The following GALNT13 variants were observed in gnomAD, a reference collection of about 807,000 sequenced individuals.
The protein encoded by GALNT13 is polypeptide N-acetylgalactosaminyltransferase 13.
A neutral mutation model predicts 64.2 loss-of-function variants in GALNT13; 28 were observed. The ratio of observed to expected loss-of-function variants is 0.44; its 90% CI spans 0.32 to 0.60. The LOEUF is 0.60. Among genes scored for constraint, GALNT13 ranks in the 20% least tolerant of loss-of-function variants. The pLI is 0.05. For missense variants in GALNT13, 577 were observed against 669.8 expected (o/e 0.86, Z 1.53); for synonymous variants, 214 against 224.6 (o/e 0.95, Z 0.42).
chr2:153,849,146 T>C, the GALNT13 span, among the ~76,000 whole-genome samples: 16 of 152,104 alleles, frequency 1.1e-4, no homozygotes, highest in African/African-American at 3.9e-4. Flanking sequence ...TACTCAACAA[T>C]GTAACTTACA....
chr2:153,715,621 T>C, the GALNT13 span, among the ~76,000 whole-genome samples: 2 of 152,224 alleles, frequency 1.3e-5, no homozygotes, highest in African/African-American at 4.8e-5. Context: ...GTACTACTTG[T>C]CAACTTTTCA....
At chr2:153,174,439 T>C in the GALNT13 span, among the ~76,000 whole-genome samples, 1 of 151,900 alleles carries the variant, frequency 6.6e-6, no homozygotes, top group African/African-American at 2.4e-5. Context: ...AGCAATAACA[T>C]TGGTGATACC....
At chr2:153,400,603 T>G in the GALNT13 span, among the ~76,000 whole-genome samples, 16 of 152,178 alleles carry the variant, frequency 1.1e-4, no homozygotes, top group South Asian at 4.2e-4. Flanking sequence ...CAATTTCAGC[T>G]CCTGTTATTG....
chr2:153,173,367 C>T, the GALNT13 span: 1 of 152,124 alleles, frequency 6.6e-6, no homozygotes, highest in Non-Finnish European at 1.5e-5. Context: ...AACTATTTGT[C>T]TGGGTCTACC....
At position 154,324,684 on chromosome 2, in the gene GALNT13, C is replaced by T. The variant is rs547454137; in HGVS notation, c.1156+23095C>T. ...AGAGAAAATAGGGAGAACCAGTGAG[C>T]CAGTCTTGCCTCTAAATCAGAAAAG... On this transcript the variant is annotated intron_variant, in intron 9 of 12. Coordinates refer to ENST00000392825, the MANE Select transcript of GALNT13 (RefSeq NM_052917.4). Among the ~76,000 whole-genome samples, 12 of 152,138 alleles carry T rather than the reference C, an allele frequency of 7.9e-5. No individual in the cohort carries two copies. In the South Asian group the frequency reaches 2.5e-3, roughly 32 times the overall value.
At chr2:154,361,871 T>G (rs1697088973) in intron 9 of GALNT13, among the ~76,000 whole-genome samples, 1 of 151,986 alleles carries the variant, frequency 6.6e-6, no homozygotes, top group South Asian at 2.1e-4. Flanking sequence ...TTCCTAAGAC[T>G]TCTTAGTTTA....
At chr2:154,096,754 A>G (rs1371582579) in intron 3 of GALNT13, among the ~76,000 whole-genome samples, 1 of 152,100 alleles carries the variant, frequency 6.6e-6, no homozygotes, top group South Asian at 2.1e-4. Context: ...GAAGAGCACC[A>G]ATAAATAGCA....
chr2:153,924,497 T>C (rs910730690), intron 2 of GALNT13, among the ~76,000 whole-genome samples: 1 of 152,190 alleles, frequency 6.6e-6, no homozygotes, highest in African/African-American at 2.4e-5. Context: ...TCGTTGCTAT[T>C]GTGAATAGTT....
the GALNT13 span, among the ~76,000 whole-genome samples, chr2:153,802,643 A>G: frequency 6.6e-6 from 1 of 152,254 alleles, no homozygotes; most frequent in African/African-American, 2.4e-5. Context: ...ATCCCTGAGA[A>G]TAACACATCC....
At chr2:153,324,554 G>T in the GALNT13 span, among the ~76,000 whole-genome samples, 2 of 152,162 alleles carry the variant, frequency 1.3e-5, no homozygotes, top group Non-Finnish European at 2.9e-5. Context: ...GTGAGATAGG[G>T]CATCCTTCGT....
At chr2:153,239,859 G>A in the GALNT13 span, among the ~76,000 whole-genome samples, 2 of 151,942 alleles carry the variant, frequency 1.3e-5, no homozygotes, top group Admixed American at 6.6e-5. Context: ...TGGAAGTATT[G>A]CCTCTATTTT....
chr2:153,893,382 G>T (rs1687680438), intron 1 of GALNT13, among the ~76,000 whole-genome samples: 2 of 151,920 alleles, frequency 1.3e-5, no homozygotes, highest in South Asian at 4.2e-4. Flanking sequence ...TTCACTTTCA[G>T]CTTTTAAGCT....
chr2:153,942,037 A>T (rs1691372111), intron 2 of GALNT13, among the ~76,000 whole-genome samples: 1 of 152,186 alleles, frequency 6.6e-6, no homozygotes, highest in African/African-American at 2.4e-5. Flanking sequence ...CTCAACTGTT[A>T]GGCTTTTATT....
chr2:153,477,783 A>G, the GALNT13 span: 1 of 160,896 alleles, frequency 6.2e-6, no homozygotes, highest in African/African-American at 2.4e-5. Context: ...GCGCACCCGG[A>G]CACGGATTTG....
At chr2:154,031,940 AAC>A (rs1698365862) in intron 3 of GALNT13, among the ~76,000 whole-genome samples, 1 of 152,046 alleles carries the variant, frequency 6.6e-6, no homozygotes, top group African/African-American at 2.4e-5. Context: ...ATATTTATAT[AAC>A]AGTCTAAGCA....
chr2:153,936,066 G>A (rs1183690771), intron 2 of GALNT13, among the ~76,000 whole-genome samples: 1 of 152,214 alleles, frequency 6.6e-6, no homozygotes, highest in Non-Finnish European at 1.5e-5. Flanking sequence ...GGCCATTGTA[G>A]AGGGATTCAG....
chr2:153,463,280 C>T, the GALNT13 span, among the ~76,000 whole-genome samples: 1 of 152,012 alleles, frequency 6.6e-6, no homozygotes, highest in Non-Finnish European at 1.5e-5. Flanking sequence ...ACCCCAAATC[C>T]AAGTGTGTAT....
the GALNT13 span, among the ~76,000 whole-genome samples, chr2:153,347,202 C>T: frequency 3.3e-5 from 5 of 152,176 alleles, no homozygotes; most frequent in African/African-American, 1.2e-4. Flanking sequence ...TTAGCCTGCC[C>T]AAGCTTCTCC....
chr2:153,200,905 G>T, the GALNT13 span, among the ~76,000 whole-genome samples: 1 of 152,224 alleles, frequency 6.6e-6, no homozygotes, highest in Non-Finnish European at 1.5e-5. Flanking sequence ...TCACAAAAAA[G>T]ATGGGACTGA....
Sources: allele counts gnomAD v4.1 joint callset (sites outside exome capture counted in the v4.1 genomes callset), GRCh38; gene constraint gnomAD v4.1.1; transcripts MANE v1.5; gene names NCBI Gene and HGNC (gene_info 2026-07-23, HGNC 2026-07-21).